The following CNTN6 variants were observed in gnomAD, a reference collection of about 807,000 sequenced individuals.
CNTN6 encodes the protein contactin-6.
In CNTN6, 137 loss-of-function variants were observed where a neutral mutation model predicts 122.8. The observed-to-expected ratio is 1.12, with a 90% confidence interval of 0.97 to 1.29. CNTN6 has a LOEUF of 1.29. Ranked by LOEUF, CNTN6 falls within the 50% of genes most tolerant of loss-of-function variation. CNTN6 has a pLI of 0.00. For synonymous variants in CNTN6, 570 were observed against 426.0 expected (o/e 1.34, Z -4.16); for missense variants, 1,634 against 1,223.4 (o/e 1.34, Z -5.01).
Position 1,102,828 on chromosome 3 carries a change from C to G in CNTN6, c.-83+9708C>G, listed in dbSNP as rs188821866. 6.0e-5 allele frequency among the ~76,000 whole-genome samples: 9 copies of G among 150,242 alleles called. No individual in the cohort carries two copies. In the East Asian group the frequency reaches 1.8e-3, roughly 30 times the overall value. ...CATTTATACAAAATTAATGTCCAGG[C>G]CGGGAGCTGTGGCTCACGCCTGTAA... On this transcript the variant is annotated intron_variant, in intron 1 of 22. Transcript: ENST00000446702.
At position 1,358,789 on chromosome 3, in the gene CNTN6, G is replaced by A. The variant is rs375253782; in HGVS notation, c.1492+6338G>A. Reference sequence around the variant, plus strand: ...TACTTTCATCTTCTACAAAACTACAGGCTGGGTGTGGTGGCTCATGCCTGT... The same window carrying A: ...TACTTTCATCTTCTACAAAACTACAAGCTGGGTGTGGTGGCTCATGCCTGT... On this transcript the variant is annotated intron_variant, in intron 12 of 22. Transcript: ENST00000446702. Among the ~76,000 whole-genome samples, 225 of 152,108 alleles carry A rather than the reference G, an allele frequency of 1.5e-3. 1 individual carries two copies. Among genetic ancestry groups the A allele is most frequent in the African/African-American group, 5.3e-3 (221 of 41,532 alleles).
intron 1 of CNTN6, among the ~76,000 whole-genome samples, chr3:1,098,781 CACACACACATATATATATATATAT>C (rs1305021170): frequency 1.5e-4 from 9 of 60,890 alleles, no homozygotes; most frequent in African/African-American, 1.4e-3. Context: ...CACACACACA[CACACACACATATATATATATATAT>C]ATATATATAT....
At chr3:1,329,725 C>A in intron 10 of CNTN6, 60 bp from the exon 11 acceptor site, 1 of 1,435,142 alleles carries the variant, frequency 7.0e-7, no homozygotes, top group South Asian at 1.3e-5. Context: ...CAAGTCACCC[C>A]TGGAGTCACT....
intron 4 of CNTN6, among the ~76,000 whole-genome samples, chr3:1,260,839 A>G (rs938575523): frequency 2.0e-5 from 3 of 152,056 alleles, no homozygotes; most frequent in Non-Finnish European, 4.4e-5. Context: ...CCATGACTGT[A>G]AGTTTCCTGA....
At chr3:1,307,938 C>T (rs1698619280) in intron 7 of CNTN6, among the ~76,000 whole-genome samples, 1 of 152,098 alleles carries the variant, frequency 6.6e-6, no homozygotes. Flanking sequence ...TATCAGGGTT[C>T]TCCACTGTAA....
intron 20 of CNTN6, among the ~76,000 whole-genome samples, chr3:1,400,194 G>C (rs889909884): frequency 6.6e-6 from 1 of 152,036 alleles, no homozygotes; most frequent in African/African-American, 2.4e-5. Flanking sequence ...AAAACATCTT[G>C]TTGGGCAGTT....
chr3:1,298,820 G>T (rs1457102040), intron 7 of CNTN6, among the ~76,000 whole-genome samples: 1 of 152,076 alleles, frequency 6.6e-6, no homozygotes, highest in African/African-American at 2.4e-5. Context: ...CATGCTTCTT[G>T]TAAACAGAAC....
chr3:1,387,466 T>A (rs1222091519), intron 20 of CNTN6, among the ~76,000 whole-genome samples: 3 of 152,106 alleles, frequency 2.0e-5, no homozygotes, highest in African/African-American at 7.2e-5. Context: ...CAAATCCGAA[T>A]GAAAATCTCC....
At chr3:1,276,380 G>T (rs1692363027) in intron 4 of CNTN6, among the ~76,000 whole-genome samples, 1 of 152,154 alleles carries the variant, frequency 6.6e-6, no homozygotes, top group Admixed American at 6.5e-5. Context: ...AATTTTCAAT[G>T]ACATGACTTT....
intron 12 of CNTN6, among the ~76,000 whole-genome samples, chr3:1,355,926 T>C (rs1346242347): frequency 1.3e-5 from 2 of 151,816 alleles, no homozygotes; most frequent in Admixed American, 6.6e-5. Context: ...TGTTGGAAAT[T>C]TCTATTTCAC....
At chr3:1,317,145 A>G (rs1358510117) in intron 7 of CNTN6, among the ~76,000 whole-genome samples, 1 of 151,872 alleles carries the variant, frequency 6.6e-6, no homozygotes, top group Admixed American at 6.6e-5. Flanking sequence ...CCCATTAAAA[A>G]CTTTGTTAAC....
chr3:1,363,979 G>T (rs1707845323), intron 12 of CNTN6, among the ~76,000 whole-genome samples: 1 of 151,802 alleles, frequency 6.6e-6, no homozygotes, highest in African/African-American at 2.4e-5. Flanking sequence ...TCTCATCATG[G>T]TTTAGATTTG....
chr3:1,203,989 C>A (rs907851068), intron 2 of CNTN6, among the ~76,000 whole-genome samples: 1 of 152,138 alleles, frequency 6.6e-6, no homozygotes, highest in Admixed American at 6.6e-5. Flanking sequence ...GGCTGTGTAC[C>A]ATACAGCCTA....
intron 7 of CNTN6, among the ~76,000 whole-genome samples, chr3:1,319,876 A>AATAAAATAAAATAAG (rs1382661455): frequency 6.6e-6 from 1 of 150,956 alleles, no homozygotes; most frequent in African/African-American, 2.4e-5. Context: ...AATAAAATAA[A>AATAAAATAAAATAAG]AGACATTTAT....
chr3:1,376,417 C>A (rs900983506), intron 16 of CNTN6, among the ~76,000 whole-genome samples: 1 of 152,058 alleles, frequency 6.6e-6, no homozygotes, highest in Non-Finnish European at 1.5e-5. Flanking sequence ...CTCTCCCAGT[C>A]GCATTCTTGA....
chr3:1,311,561 A>T (rs1328687037), intron 7 of CNTN6, among the ~76,000 whole-genome samples: 2 of 148,458 alleles, frequency 1.3e-5, no homozygotes, highest in Non-Finnish European at 3.0e-5. Flanking sequence ...TGTATATAAA[A>T]TATCTTTATA....
intron 1 of CNTN6, among the ~76,000 whole-genome samples, chr3:1,138,391 T>G (rs553119991): frequency 2.6e-5 from 4 of 152,292 alleles, no homozygotes; most frequent in African/African-American, 9.6e-5. Flanking sequence ...GAAAGCCACT[T>G]TTACTCACTC....
At chr3:1,182,677 C>T (rs1478169524) in intron 2 of CNTN6, among the ~76,000 whole-genome samples, 1 of 151,650 alleles carries the variant, frequency 6.6e-6, no homozygotes, top group East Asian at 1.9e-4. Context: ...CCATGTATCA[C>T]ACATTTCATA....
chr3:1,236,436 A>G (rs988574847), intron 4 of CNTN6, among the ~76,000 whole-genome samples: 2 of 152,110 alleles, frequency 1.3e-5, no homozygotes, highest in African/African-American at 4.8e-5. Flanking sequence ...CTCAGTATCA[A>G]TCAGAGCCTG....
Sources: gnomAD v4.1 joint callset for allele counts (sites outside exome capture counted in the v4.1 genomes callset) on GRCh38, gnomAD v4.1.1 for gene constraint, MANE v1.5 for transcripts, NCBI Gene and HGNC (gene_info 2026-07-23, HGNC 2026-07-21) for gene names.